PARG: variants seen among roughly 807,000 people sequenced by gnomAD.
PARG encodes poly(ADP-ribose) glycohydrolase.
Under a neutral mutation model 113.0 loss-of-function variants are expected in PARG, and 35 were observed. That is an observed-to-expected ratio of 0.31 (90% CI 0.24 to 0.41). The LOEUF (loss-of-function observed/expected upper bound fraction) is 0.41, where lower values mean the gene tolerates loss of function less well. Among genes scored for constraint, PARG ranks in the 10% least tolerant of loss-of-function variants. The pLI is 1.00. For missense variants in PARG, 797 were observed against 1,169.4 expected (o/e 0.68, Z 4.64); for synonymous variants, 330 against 409.9 (o/e 0.81, Z 2.36).
chr10:49,864,272 TTC>T (rs1554836443), intron 11 of PARG, among the ~76,000 whole-genome samples: 2 of 151,966 alleles, frequency 1.3e-5, no homozygotes, highest in African/African-American at 4.8e-5. Context: ...TCATTTTTTT[TTC>T]TCTCTTCAGG....
intron 8 of PARG, among the ~76,000 whole-genome samples, chr10:49,884,423 T>C (rs1484298527): frequency 2.6e-5 from 4 of 152,210 alleles, no homozygotes; most frequent in Non-Finnish European, 5.9e-5. Flanking sequence ...ACATGCTGAA[T>C]ACTCGTCTCT....
chr10:49,825,705 G>A (rs1844318711), intron 16 of PARG, among the ~76,000 whole-genome samples: 1 of 152,172 alleles, frequency 6.6e-6, no homozygotes, highest in Non-Finnish European at 1.5e-5. Flanking sequence ...CTTGGGACAG[G>A]TTTATTGGCT....
chr10:49,859,528 G>C (rs1846155296), intron 12 of PARG, among the ~76,000 whole-genome samples: 1 of 152,072 alleles, frequency 6.6e-6, no homozygotes, highest in Admixed American at 6.6e-5. Context: ...TGAGAACTAA[G>C]AGACTGGCTG....
intron 16 of PARG, among the ~76,000 whole-genome samples, chr10:49,824,346 T>G (rs1279375185): frequency 6.6e-6 from 1 of 152,196 alleles, no homozygotes; most frequent in African/African-American, 2.4e-5. Context: ...TGAACTCTCT[T>G]GCATCAAAAG....
At chr10:49,895,560 C>T (rs570338572) in intron 7 of PARG, among the ~76,000 whole-genome samples, 10 of 152,116 alleles carry the variant, frequency 6.6e-5, no homozygotes, top group East Asian at 1.9e-4. Context: ...CCCGCCACCA[C>T]GCCTGGCTAA....
At position 49,856,748 on chromosome 10, in the gene PARG, G is replaced by A. The variant is rs2917129; in HGVS notation, c.2353+558C>T. Reference sequence around the variant, plus strand: ...CAAACTGCCAAGCGTGGTGGCTCACGCCTGTAATCCCAGCAATTTGGGAGG... The same window carrying A: ...CAAACTGCCAAGCGTGGTGGCTCACACCTGTAATCCCAGCAATTTGGGAGG... On this transcript the variant is annotated intron_variant, in intron 13 of 17. Coordinates refer to ENST00000616448, the MANE Select transcript of PARG (RefSeq NM_003631.5). Among the ~76,000 whole-genome samples, 1,156 of 151,274 alleles carry A rather than the reference G, an allele frequency of 7.6e-3. 3 individuals carry two copies. The highest frequency in any genetic ancestry group is 0.014 in the Non-Finnish European group (941 of 67,766).
chr10:49,905,376 A>G (rs1848536477), intron 7 of PARG, among the ~76,000 whole-genome samples: 1 of 152,222 alleles, frequency 6.6e-6, no homozygotes, highest in Admixed American at 6.5e-5. Flanking sequence ...AGCAAGGCCT[A>G]TCAGTAAGAT....
intron 16 of PARG, among the ~76,000 whole-genome samples, chr10:49,828,848 C>T (rs12413666): frequency 6.6e-6 from 1 of 152,266 alleles, no homozygotes; most frequent in East Asian, 1.9e-4. Context: ...GCACCCTAGC[C>T]TGGGTGACAC....
intron 4 of PARG, among the ~76,000 whole-genome samples, chr10:49,925,876 C>A (rs1838130968): frequency 6.6e-6 from 1 of 152,258 alleles, no homozygotes. Flanking sequence ...AATTTTACTT[C>A]TGCACAGAGG....
At chr10:49,908,126 A>C (rs1836956618) in intron 7 of PARG, among the ~76,000 whole-genome samples, 1 of 152,246 alleles carries the variant, frequency 6.6e-6, no homozygotes, top group Non-Finnish European at 1.5e-5. Flanking sequence ...TAACTTCATC[A>C]GTGATCTAGT....
chr10:49,935,822 T>G (rs1554910769), intron 1 of PARG, among the ~76,000 whole-genome samples: 26 of 152,294 alleles, frequency 1.7e-4, no homozygotes, highest in Admixed American at 1.2e-3. Flanking sequence ...AAAGAAAATA[T>G]GGTTGAAAAG....
intron 4 of PARG, among the ~76,000 whole-genome samples, chr10:49,924,781 G>C (rs1466919905): frequency 1.3e-5 from 2 of 151,942 alleles, no homozygotes; most frequent in African/African-American, 2.4e-5. Flanking sequence ...GAAAGAAACG[G>C]AAGTATTTTA....
At chr10:49,902,153 G>T (rs1848373412) in intron 7 of PARG, among the ~76,000 whole-genome samples, 1 of 152,142 alleles carries the variant, frequency 6.6e-6, no homozygotes, top group Non-Finnish European at 1.5e-5. Flanking sequence ...GAAGATTCAG[G>T]GGTTTTCAGA....
intron 7 of PARG, among the ~76,000 whole-genome samples, chr10:49,889,639 G>C (rs1847670279): frequency 6.6e-6 from 1 of 152,220 alleles, no homozygotes. Context: ...GAAGGACAGA[G>C]AGAAGTGCCT....
rs1339712367 is a variant in PARG, at chr10:49,933,950, C to G, written c.498G>C (p.Gln166His). The G allele has an allele frequency of 5.6e-6, 9 of 1,602,162 alleles. No individual in the cohort carries two copies. The African/African-American group carries it at 1.1e-4, about 19-fold the overall frequency. Residue 166 changes from glutamine to histidine, a missense_variant, in exon 3 of 18, where the codon CAG becomes CAC. By Grantham distance (24) the Gln-to-His change is conservative. Transcript: ENST00000616448. ...CTGTTTGAGGTTCACTTTCCAAAAG[C>G]TGCTCCGTGTGTTTCCCTTCATTTT... ...KWQNEGKHTEQLLESEPQTVT... is the reference protein window; with the variant it reads ...KWQNEGKHTEHLLESEPQTVT...
chr10:49,821,545 A>C (rs1844078355), intron 16 of PARG, among the ~76,000 whole-genome samples: 1 of 151,966 alleles, frequency 6.6e-6, no homozygotes, highest in South Asian at 2.1e-4. Flanking sequence ...ATACCTGGCT[A>C]ATTTCTGTAT....
chr10:49,930,575 T>C (rs1838433330), intron 4 of PARG, among the ~76,000 whole-genome samples: 1 of 152,220 alleles, frequency 6.6e-6, no homozygotes, highest in South Asian at 2.1e-4. Flanking sequence ...CTAAAACAGA[T>C]AGTTTTCAAC....
At position 49,934,097 on chromosome 10, in the gene PARG, G is replaced by T. The variant is rs1282246173; in HGVS notation, c.351C>A (p.Asn117Lys). ...ESMMSSVQKD[N>K]FYQHNVEKLE... ...ATTTTTCTACATTATGTTGGTAAAA[G>T]TTATCTTTTTGTACAGAACTCATCA... Residue 117 changes from asparagine (N) to lysine (K), a missense_variant, in exon 3 of 18, where the codon AAC (asparagine) becomes AAA (lysine). This residue lies in a region of PARG where 284 missense variants were observed against 306.1 expected (regional missense o/e 0.93). Transcript: ENST00000616448. The T allele has an allele frequency of 1.6e-5, 22 of 1,406,052 alleles. No individual in the cohort carries two copies. The Admixed American group carries it at 3.7e-4, about 24-fold the overall frequency. 87.1% of individuals were successfully genotyped at this position (1,406,052 alleles called of 1,614,324 possible). A position where few individuals can be genotyped will look rare whatever the true frequency, so the allele number is the denominator to read the frequency against.
In PARG at chr10:49,828,861, T is replaced by C. The variant is rs373503290; in HGVS notation, c.2647+3942A>G. The stretch of plus-strand genomic sequence containing the variant: ...TTGCACCCTAGCCTGGGTGACACAA[T>C]GAGACCCTGTATCTTACAAAAACAA... On this transcript the variant is annotated intron_variant, in intron 16 of 17. Coordinates refer to ENST00000616448, the MANE Select transcript of PARG (RefSeq NM_003631.5). Among the ~76,000 whole-genome samples, 53 of 152,112 alleles carry C rather than the reference T, an allele frequency of 3.5e-4. No homozygotes were observed. The East Asian group carries it at 4.5e-3, about 13-fold the overall frequency.
Sources: gnomAD v4.1 joint callset for allele counts (sites outside exome capture counted in the v4.1 genomes callset) on GRCh38, gnomAD v4.1.1 for gene constraint, gnomAD v4.1.1 regional missense constraint, MANE v1.5 for transcripts, NCBI Gene and HGNC (gene_info 2026-07-23, HGNC 2026-07-21) for gene names.